ATG2B: variants seen among roughly 807,000 people sequenced by gnomAD.
ATG2B encodes the protein autophagy related 2B, also known as autophagy-related protein 2 homolog B.
In ATG2B, 121 loss-of-function variants were observed where a neutral mutation model predicts 241.3. That is an observed-to-expected ratio of 0.50 (90% CI 0.43 to 0.58). ATG2B has a LOEUF of 0.58. ATG2B is among the 20% of genes least tolerant of loss of function. ATG2B has a pLI of 0.00. For missense variants in ATG2B, 2,306 were observed against 2,491.6 expected (o/e 0.93, Z 1.59); for synonymous variants, 858 against 876.6 (o/e 0.98, Z 0.37).
chr14:96,314,427 C>G (rs1017180910), intron 23 of ATG2B, among the ~76,000 whole-genome samples: 1 of 152,150 alleles, frequency 6.6e-6, no homozygotes, highest in Non-Finnish European at 1.5e-5. Context: ...TGATAAAATG[C>G]TTTAAAGCAA....
intron 20 of ATG2B, 133 bp downstream of exon 20, chr14:96,317,012 C>T: frequency 1.1e-6 from 1 of 890,012 alleles, no homozygotes; most frequent in Non-Finnish European, 1.7e-6. Flanking sequence ...TGGTTTGCCC[C>T]AGGACACTGG....
intron 8 of ATG2B, among the ~76,000 whole-genome samples, chr14:96,333,199 T>C (rs1476801635): frequency 6.6e-6 from 1 of 152,134 alleles, no homozygotes; most frequent in Non-Finnish European, 1.5e-5. Flanking sequence ...ATATTATTTA[T>C]GTTATTAGCA....
intron 5 of ATG2B, among the ~76,000 whole-genome samples, chr14:96,342,278 T>A (rs1181529893): frequency 1.3e-4 from 19 of 151,984 alleles, no homozygotes; most frequent in Non-Finnish European, 1.9e-4. Context: ...AATCCAAAAC[T>A]TTTTTGAGTG....
chr14:96,301,022 C>T (rs1003831146), intron 34 of ATG2B, among the ~76,000 whole-genome samples: 1 of 152,182 alleles, frequency 6.6e-6, no homozygotes, highest in Non-Finnish European at 1.5e-5. Flanking sequence ...GAGCTCATAT[C>T]AACACAATTT....
Position 96,282,336 on chromosome 14 carries a change from T to TAAAGAACTTGATGGAGA in ATG2B, c.*3402_*3418dup, listed in dbSNP as rs1886220921. ...CACAGTCCCTTCCTTTCAAGGAACT[T>TAAAGAACTTGATGGAGA]AAAGAACTTGATGGAGAAAAGAACT... On this transcript the variant is annotated 3_prime_UTR_variant, in exon 42 of 42. Coordinates refer to ENST00000359933, the MANE Select transcript of ATG2B (RefSeq NM_018036.7). The TAAAGAACTTGATGGAGA allele has an allele frequency of 1.3e-5, 2 of 152,240 alleles. No individual in the cohort carries two copies. The highest frequency in any genetic ancestry group is 6.5e-5 in the Admixed American group (1 of 15,282). 9.4% of individuals were successfully genotyped at this position (152,240 alleles called of 1,614,324 possible). A position where few individuals can be genotyped will look rare whatever the true frequency, so the allele number is the denominator to read the frequency against.
In ATG2B at chr14:96,290,410, T is replaced by TA; in HGVS notation, c.5856+25dup. 6.3e-7 allele frequency: 1 copy of TA among 1,596,350 alleles called. No individual in the cohort carries two copies. Among genetic ancestry groups the TA allele is most frequent in the Non-Finnish European group, 8.5e-7 (1 of 1,169,696 alleles). ...CCATTTCACAATGGCTCTTTTTGGATAGACTAAGGCAGTCTAAAAAGATAC... is the reference window on the plus strand; with the variant it reads ...CCATTTCACAATGGCTCTTTTTGGATAAGACTAAGGCAGTCTAAAAAGATAC... On this transcript the variant is annotated intron_variant, in intron 40 of 41. Transcript: ENST00000359933. This position sits in a 1 kb window ranked among gnomAD's most constrained non-coding sequence, Gnocchi z 4.4.
Position 96,292,067 on chromosome 14 carries a change from G to A in ATG2B, c.5458C>T (p.Arg1820Ter), listed in dbSNP as rs1287628102. Reference sequence around the variant, plus strand: ...ACATGTTTGCCATGATAATCAAGTCGAATGGGAACTTCTGACGTGAATCTA... The same window carrying A: ...ACATGTTTGCCATGATAATCAAGTCAAATGGGAACTTCTGACGTGAATCTA... The part of the protein sequence containing the change: ...EFRFTSEVPI[R>*]LDYHGKHVSM... Residue 1820 changes from arginine (R) to a stop codon, truncating the protein, a stop_gained, in exon 37 of 42, where the codon CGA (arginine) becomes TGA (stop). Transcript: ENST00000359933. LOFTEE classifies it high-confidence loss of function. The A allele has an allele frequency of 3.1e-6, 5 of 1,598,570 alleles. No individual in the cohort carries two copies. Among genetic ancestry groups the A allele is most frequent in the African/African-American group, 1.3e-5 (1 of 74,402 alleles).
chr14:96,341,283 A>G (rs1888027390), intron 6 of ATG2B, among the ~76,000 whole-genome samples: 1 of 152,164 alleles, frequency 6.6e-6, no homozygotes, highest in Non-Finnish European at 1.5e-5. Context: ...CGGGAGAGTG[A>G]GTGTAGAAGG....
At chr14:96,349,395 A>G (rs1888255524) in intron 1 of ATG2B, among the ~76,000 whole-genome samples, 1 of 152,234 alleles carries the variant, frequency 6.6e-6, no homozygotes, top group Non-Finnish European at 1.5e-5. Flanking sequence ...ATGTGAAGCC[A>G]CTGAAGGGCT....
intron 34 of ATG2B, among the ~76,000 whole-genome samples, chr14:96,298,299 C>G (rs796304310): frequency 6.6e-6 from 1 of 152,344 alleles, no homozygotes; most frequent in South Asian, 2.1e-4. Flanking sequence ...TATGAAGCAG[C>G]TGCAGCTCTC....
intron 33 of ATG2B, among the ~76,000 whole-genome samples, chr14:96,302,580 A>T (rs11160328): frequency 1.4e-5 from 1 of 70,260 alleles, no homozygotes; most frequent in Non-Finnish European, 4.4e-5. Context: ...TGTTGGGGGG[A>T]AAAAAAAAAC....
chr14:96,328,609 A>G, intron 13 of ATG2B, 65 bp downstream of exon 13: 19 of 1,552,774 alleles, frequency 1.2e-5, no homozygotes, highest in Non-Finnish European at 1.7e-5. Flanking sequence ...AAAACCTTAT[A>G]ATTGTGACAA....
At chr14:96,333,296 G>C (rs1887787502) in intron 8 of ATG2B, among the ~76,000 whole-genome samples, 1 of 152,106 alleles carries the variant, frequency 6.6e-6, no homozygotes, top group African/African-American at 2.4e-5. Context: ...ATCAATAAAG[G>C]AAAGTTTCCT....
intron 6 of ATG2B, among the ~76,000 whole-genome samples, chr14:96,340,668 T>G (rs1038998400): frequency 6.6e-6 from 1 of 151,918 alleles, no homozygotes; most frequent in Non-Finnish European, 1.5e-5. Flanking sequence ...ATCCCAACAC[T>G]TTGGGAGGCT....
Position 96,363,282 on chromosome 14 carries a change from C to A in ATG2B, c.-306G>T. ...AGGAGGCGGCAGGGGCTGAGGCAGC[C>A]ACCGCCACTGCCGCCGCGCGACGAA... On this transcript the variant is annotated 5_prime_UTR_variant, in exon 1 of 42. Transcript: ENST00000359933. 3.3e-6 allele frequency: 1 copy of A among 301,442 alleles called. No individual in the cohort carries two copies. Among genetic ancestry groups the A allele is most frequent in the East Asian group, 9.0e-5 (1 of 11,064 alleles). 18.7% of individuals were successfully genotyped at this position (301,442 alleles called of 1,614,324 possible). A position where few individuals can be genotyped will look rare whatever the true frequency, so the allele number is the denominator to read the frequency against.
At chr14:96,291,060 C>A in intron 38 of ATG2B, 125 bp from the exon 39 acceptor site, 1 of 737,224 alleles carries the variant, frequency 1.4e-6, no homozygotes, top group Non-Finnish European at 2.1e-6. Context: ...ACAGGTGCTT[C>A]AAAAACAGGT....
intron 15 of ATG2B, among the ~76,000 whole-genome samples, chr14:96,324,920 C>T (rs1464955329): frequency 1.3e-5 from 2 of 151,844 alleles, no homozygotes; most frequent in African/African-American, 2.4e-5. Context: ...AGTGTGGTTG[C>T]GGAGAGAGGG....
At chr14:96,310,262 G>A (rs1215543362) in intron 28 of ATG2B, among the ~76,000 whole-genome samples, 1 of 152,168 alleles carries the variant, frequency 6.6e-6, no homozygotes, top group Non-Finnish European at 1.5e-5. Context: ...ACCTTATCGT[G>A]AGAATACAGC....
rs189297556 is a variant in ATG2B at position 96,307,110 on chromosome 14, T to C, written c.4304-194A>G. Among the ~76,000 whole-genome samples the C allele has an allele frequency of 7.2e-4, 109 of 152,004 alleles. 1 individual carries two copies. The highest frequency in any genetic ancestry group is 1.5e-4 in the Non-Finnish European group (10 of 67,978). On this transcript the variant is annotated intron_variant, in intron 29 of 41. Coordinates refer to ENST00000359933, the MANE Select transcript of ATG2B (RefSeq NM_018036.7). ...AAAACACCTCAGCAAGAGTCAGAAA[T>C]ACATCAAAAACCACTAATAGGCCAG...
Sources: allele counts gnomAD v4.1 joint callset (sites outside exome capture counted in the v4.1 genomes callset), GRCh38; gene constraint gnomAD v4.1.1; non-coding constraint Gnocchi (gnomAD v3.1); transcripts MANE v1.5; gene names NCBI Gene and HGNC (gene_info 2026-07-23, HGNC 2026-07-21).